The following KLF13 variants were observed in gnomAD, a reference collection of about 807,000 sequenced individuals.
KLF13 encodes KLF transcription factor 13, also known as Krueppel-like factor 13.
A neutral mutation model predicts 16.7 loss-of-function variants in KLF13; 8 were observed. That is an observed-to-expected ratio of 0.48 (90% CI 0.28 to 0.87). The LOEUF (loss-of-function observed/expected upper bound fraction) is 0.87. Among genes scored for constraint, KLF13 ranks in the 40% least tolerant of loss-of-function variants. The pLI is 0.10. For missense variants in KLF13, 447 were observed against 452.2 expected (o/e 0.99, Z 0.10); for synonymous variants, 245 against 208.4 (o/e 1.18, Z -1.51).
At chr15:31,398,269 A>C (rs1301110406) in intron 2 of KLF13, among the ~76,000 whole-genome samples, 1 of 152,160 alleles carries the variant, frequency 6.6e-6, no homozygotes, top group African/African-American at 2.4e-5. Context: ...CCATCACAGC[A>C]AGGAAACAGC....
At chr15:31,368,580 C>T (rs546045392) in intron 1 of KLF13, among the ~76,000 whole-genome samples, 2 of 152,150 alleles carry the variant, frequency 1.3e-5, no homozygotes, top group African/African-American at 2.4e-5. Context: ...CCAAGCCAGG[C>T]GTGTGGCTCA....
exon 1 of KLF13, chr15:31,392,961 T>G (rs71474659): frequency 0.031 from 4,785 of 152,744 alleles, 96 homozygotes; most frequent in Non-Finnish European, 0.044. Context: ...TTCTGCCGGC[T>G]CCACCTGCAA....
intron 1 of KLF13, among the ~76,000 whole-genome samples, chr15:31,337,875 T>G (rs1314499535): frequency 6.6e-6 from 1 of 152,240 alleles, no homozygotes; most frequent in Non-Finnish European, 1.5e-5. Context: ...TGAGGGGCTT[T>G]GCAGGATACC....
intron 1 of KLF13, among the ~76,000 whole-genome samples, chr15:31,353,240 T>G (rs1169806381): frequency 6.6e-6 from 1 of 152,146 alleles, no homozygotes; most frequent in East Asian, 1.9e-4. Flanking sequence ...CATCCAGTAG[T>G]TACTGGGGGT....
At chr15:31,384,593 G>A (rs1338298541) in intron 1 of KLF13, among the ~76,000 whole-genome samples, 1 of 152,136 alleles carries the variant, frequency 6.6e-6, no homozygotes, top group Non-Finnish European at 1.5e-5. Context: ...GCACTTTTGT[G>A]AGGCTAAGAG....
chr15:31,420,201 G>T (rs2040304924), intron 1 of KLF13: 2 of 604,402 alleles, frequency 3.3e-6, no homozygotes, highest in African/African-American at 3.7e-5. Flanking sequence ...CTGAGTGGGG[G>T]TGCTGCCCAG....
intron 1 of KLF13, among the ~76,000 whole-genome samples, chr15:31,345,319 G>T (rs1044311853): frequency 2.0e-5 from 3 of 152,198 alleles, no homozygotes; most frequent in African/African-American, 7.2e-5. Context: ...CCTTGAGGGC[G>T]TGGTGTCTGA....
chr15:31,355,826 C>A (rs562112098), intron 1 of KLF13, among the ~76,000 whole-genome samples: 4 of 151,962 alleles, frequency 2.6e-5, no homozygotes, highest in Admixed American at 2.6e-4. Context: ...TGTCCCCACA[C>A]CCCCAGCCCC....
chr15:31,327,582 G>A lies in KLF13; in HGVS notation c.370G>A (p.Glu124Lys). 8.3e-7 allele frequency: 1 copy of A among 1,203,052 alleles called. No homozygotes were observed. Among genetic ancestry groups the A allele is most frequent in the Non-Finnish European group, 1.0e-6 (1 of 960,586 alleles). The allele number at this position is 1,203,052 out of a possible 1,614,324, so 74.5% of individuals were successfully genotyped here. The change falls in exon 1 of 2, where the codon GAG becomes AAG. Residue 124 changes from glutamate (E) to lysine (K), a missense_variant. Around this residue, in one of 2 missense-constraint regions of KLF13, gnomAD observed 359 missense variants for 282.8 expected, o/e 1.27. Transcript: ENST00000307145. ...CGCGCCCCCCAGCCCGGCGTGGAGC[G>A]AGCCGGAGCCCGAGGCGGGGCTGGA... The part of the protein sequence containing the change: ...AAAPPSPAWS[E>K]PEPEAGLEPE...
intron 2 of KLF13, among the ~76,000 whole-genome samples, chr15:31,402,650 C>T (rs1256584266): frequency 6.6e-6 from 1 of 152,156 alleles, no homozygotes; most frequent in Non-Finnish European, 1.5e-5. Flanking sequence ...GGAGCTGTCT[C>T]CAGCAGCAGC....
intron 1 of KLF13, among the ~76,000 whole-genome samples, chr15:31,344,394 G>A (rs1413983827): frequency 6.6e-6 from 1 of 152,158 alleles, no homozygotes; most frequent in Non-Finnish European, 1.5e-5. Context: ...CATGTGTCTG[G>A]CTGGCAAGGG....
chr15:31,419,505 G>A (rs532322373), intron 1 of KLF13, among the ~76,000 whole-genome samples: 129 of 152,206 alleles, frequency 8.5e-4, no homozygotes, highest in South Asian at 6.8e-3. Flanking sequence ...TTCCAGAGCC[G>A]AAGATTGCAA....
intron 1 of KLF13, among the ~76,000 whole-genome samples, chr15:31,350,866 C>G (rs533342632): frequency 6.6e-5 from 10 of 152,230 alleles, no homozygotes; most frequent in African/African-American, 2.4e-4. Context: ...TTCGCCCAGG[C>G]GCCTTCTGGG....
At chr15:31,391,909 C>T (rs2039877130), upstream of KLF13, among the ~76,000 whole-genome samples, 1 of 152,064 alleles carries the variant, frequency 6.6e-6, no homozygotes, top group South Asian at 2.1e-4. Context: ...GTGAAGGCCC[C>T]GGGAAGGCAG....
chr15:31,434,386 G>A (rs1566853858), intron 1 of KLF13, among the ~76,000 whole-genome samples: 1 of 152,156 alleles, frequency 6.6e-6, no homozygotes. Context: ...GGGATGGGCA[G>A]GCCTTTTATA....
chr15:31,399,543 C>T (rs10459614), intron 2 of KLF13, among the ~76,000 whole-genome samples: 82,229 of 152,056 alleles, frequency 0.54, 23,158 homozygotes, highest in South Asian at 0.66. Context: ...CCTGCCCACA[C>T]AGGGGATTCC....
At chr15:31,332,830 G>A (rs2038855814) in intron 1 of KLF13, among the ~76,000 whole-genome samples, 1 of 152,208 alleles carries the variant, frequency 6.6e-6, no homozygotes, top group African/African-American at 2.4e-5. Flanking sequence ...ATGTGTAAGT[G>A]TGTGTGTTTA....
intron 1 of KLF13, among the ~76,000 whole-genome samples, chr15:31,340,423 G>T (rs1288781415): frequency 6.6e-6 from 1 of 152,214 alleles, no homozygotes; most frequent in Admixed American, 6.5e-5. Context: ...CCTGCGGTTG[G>T]GTGGCACAGG....
chr15:31,411,577 T>TG (rs1429362565), intron 1 of KLF13, among the ~76,000 whole-genome samples: 1 of 150,968 alleles, frequency 6.6e-6, no homozygotes, highest in Non-Finnish European at 1.5e-5. Flanking sequence ...TTTTTTTTTT[T>TG]TGTATTTTTA....
Sources: gnomAD v4.1 joint callset for allele counts (sites outside exome capture counted in the v4.1 genomes callset) on GRCh38, gnomAD v4.1.1 for gene constraint, gnomAD v4.1.1 regional missense constraint, MANE v1.5 for transcripts, NCBI Gene and HGNC (gene_info 2026-07-23, HGNC 2026-07-21) for gene names.